TBL1Y: variants seen among roughly 807,000 people sequenced by gnomAD.
TBL1Y encodes the protein transducin beta like 1 Y-linked.
TBL1Y carries 15 observed loss-of-function variants against 12.0 expected under a neutral mutation model. The observed-to-expected ratio is 1.25, with a 90% CI of 0.83 to 1.92. The LOEUF (loss-of-function observed/expected upper bound fraction) is 1.92, where lower values mean the gene tolerates loss of function less well. Among genes scored for constraint, TBL1Y ranks in the 40% most tolerant of loss-of-function variants. The probability of loss-of-function intolerance (pLI) is 0.00; values close to 1 mark genes in which losing one functional copy is unlikely to be tolerated. For synonymous variants in TBL1Y, 53 were observed against 42.6 expected, an observed-to-expected ratio of 1.24 and a Z score of -0.95; for missense variants, 148 against 116.7, an observed-to-expected ratio of 1.27 and a Z score of -1.24.
chrY:7,006,904 C>G lies in TBL1Y; in HGVS notation c.-140+11006C>G. On this transcript the variant is annotated intron_variant, in intron 4 of 18. Transcript: ENST00000383032. ...TTTTAATTGTATTTGCATGAAGAAG[C>G]AGCTTGTTTCCTATTAGACTGGTAA... Among the ~76,000 whole-genome samples the G allele has an allele frequency of 1.5e-4, 5 of 33,421 alleles. No homozygotes were observed. The South Asian group carries it at 3.3e-3, about 22-fold the overall frequency. 89.7% of individuals were successfully genotyped at this position (33,421 alleles called of 37,273 possible). A position where few individuals can be genotyped will look rare whatever the true frequency, so the allele number is the denominator to read the frequency against.
chrY:6,928,686 C>A, intron 2 of TBL1Y, among the ~76,000 whole-genome samples: 1 of 33,851 alleles, frequency 3.0e-5, no homozygotes, highest in Non-Finnish European at 7.3e-5. Flanking sequence ...TGCAGAAAGC[C>A]AAAGAGGGTA....
At chrY:7,060,624 C>A in intron 7 of TBL1Y, among the ~76,000 whole-genome samples, 1 of 32,146 alleles carries the variant, frequency 3.1e-5, no homozygotes, top group Non-Finnish European at 7.6e-5. Context: ...TCACTTTTAG[C>A]AAATTTTACT....
intron 2 of TBL1Y, among the ~76,000 whole-genome samples, chrY:6,958,616 C>A (rs919797776): frequency 9.2e-5 from 3 of 32,511 alleles, no homozygotes; most frequent in East Asian, 8.1e-4. Flanking sequence ...AAAGGAATGT[C>A]GTAGGAGGGC....
chrY:6,931,392 T>G, intron 2 of TBL1Y, among the ~76,000 whole-genome samples: 1 of 33,742 alleles, frequency 3.0e-5, no homozygotes, highest in Non-Finnish European at 7.3e-5. Flanking sequence ...GGAGTGAAAG[T>G]CCATCTCAAA....
At chrY:6,912,034 T>C (rs2011699238) in intron 1 of TBL1Y, 54 bp from the exon 2 acceptor site, 2 of 34,461 alleles carry the variant, frequency 5.8e-5, no homozygotes, top group Non-Finnish European at 1.5e-4. Flanking sequence ...TCCCACCCTC[T>C]GTTTTATTTG....
At chrY:7,010,738 C>A in intron 4 of TBL1Y, among the ~76,000 whole-genome samples, 1 of 32,582 alleles carries the variant, frequency 3.1e-5, no homozygotes, top group Non-Finnish European at 7.5e-5. Context: ...AATTCAAGAC[C>A]AGTCTGGCCA....
At chrY:7,020,088 T>C in intron 4 of TBL1Y, among the ~76,000 whole-genome samples, 3 of 33,302 alleles carry the variant, frequency 9.0e-5, no homozygotes, top group Non-Finnish European at 2.2e-4. Flanking sequence ...GTGGGAATAA[T>C]TTACTTGCAG....
chrY:7,008,973 G>A (rs916769109), intron 4 of TBL1Y, among the ~76,000 whole-genome samples: 33 of 33,993 alleles, frequency 9.7e-4, no homozygotes, highest in African/African-American at 3.8e-3. Context: ...GCATAAAACA[G>A]CGTCGTTGCT....
At chrY:7,063,815 C>G (rs9786225) in intron 7 of TBL1Y, 82 bp from the exon 8 acceptor site, 64 of 357,577 alleles carry the variant, frequency 1.8e-4, no homozygotes, top group Admixed American at 3.1e-4. Flanking sequence ...TTCCCCGTGC[C>G]TCTCCTGCCC....
chrY:6,912,753 C>G (rs2011704950), intron 2 of TBL1Y, among the ~76,000 whole-genome samples: 7 of 26,811 alleles, frequency 2.6e-4, no homozygotes, highest in Non-Finnish European at 1.7e-4. Flanking sequence ...TCGCTTGAAC[C>G]TGGGAGGTGG....
chrY:6,938,598 G>T, intron 2 of TBL1Y, among the ~76,000 whole-genome samples: 2 of 33,812 alleles, frequency 5.9e-5, no homozygotes, highest in Non-Finnish European at 1.5e-4. Context: ...ACTTTTATGG[G>T]CTCCTGTGAT....
chrY:6,976,732 T>C (rs2012244548), intron 2 of TBL1Y, among the ~76,000 whole-genome samples: 1 of 33,695 alleles, frequency 3.0e-5, no homozygotes, highest in Non-Finnish European at 7.3e-5. Flanking sequence ...TGATGGCATC[T>C]GCTAACTTTG....
intron 4 of TBL1Y, among the ~76,000 whole-genome samples, chrY:7,000,842 C>G: frequency 3.0e-5 from 1 of 33,716 alleles, no homozygotes; most frequent in Admixed American, 2.7e-4. Context: ...TCAAGTGTCG[C>G]GCCCACCTCA....
intron 6 of TBL1Y, among the ~76,000 whole-genome samples, chrY:7,038,497 C>A (rs2012706250): frequency 3.1e-5 from 1 of 32,110 alleles, no homozygotes; most frequent in Non-Finnish European, 7.5e-5. Context: ...TTGATGGAAA[C>A]ATTTTCGATT....
At chrY:6,922,601 G>A (rs2011789939) in intron 2 of TBL1Y, among the ~76,000 whole-genome samples, 3 of 34,326 alleles carry the variant, frequency 8.7e-5, no homozygotes, top group African/African-American at 3.4e-4. Flanking sequence ...TGATTGGTGC[G>A]TTTACAAACC....
chrY:7,056,958 C>T, intron 7 of TBL1Y, among the ~76,000 whole-genome samples: 4 of 33,716 alleles, frequency 1.2e-4, no homozygotes, highest in African/African-American at 4.6e-4. Flanking sequence ...CCCTGACTCA[C>T]GTGGCCCCTC....
intron 12 of TBL1Y, among the ~76,000 whole-genome samples, chrY:7,073,184 A>G (rs2013044283): frequency 3.0e-5 from 1 of 33,688 alleles, no homozygotes; most frequent in Non-Finnish European, 7.3e-5. Context: ...TGCATTTGTC[A>G]AACTGTGGCC....
chrY:6,958,900 C>A (rs2124114458), intron 2 of TBL1Y, among the ~76,000 whole-genome samples: 1 of 33,903 alleles, frequency 2.9e-5, no homozygotes, highest in Non-Finnish European at 7.3e-5. Flanking sequence ...CAGGGGCAGG[C>A]AGCAGACAGT....
At chrY:7,009,776 C>T (rs1603037787) in intron 4 of TBL1Y, among the ~76,000 whole-genome samples, 1 of 33,156 alleles carries the variant, frequency 3.0e-5, no homozygotes, top group East Asian at 7.9e-4. Context: ...TAGCTCATTT[C>T]TGTAATCCCA....
Sources: gnomAD v4.1 joint callset for allele counts (sites outside exome capture counted in the v4.1 genomes callset) on GRCh38, gnomAD v4.1.1 for gene constraint, MANE v1.5 for transcripts, NCBI Gene and HGNC (gene_info 2026-07-23, HGNC 2026-07-21) for gene names.